The following HRH3 variants were observed in gnomAD, a reference collection of about 807,000 sequenced individuals.
HRH3 encodes the protein histamine H3 receptor.
In HRH3, 13 loss-of-function variants were observed where a neutral mutation model predicts 21.6. The observed-to-expected ratio is 0.60, with a 90% CI of 0.39 to 0.96. The LOEUF (loss-of-function observed/expected upper bound fraction) is 0.96. Among genes scored for constraint, HRH3 ranks in the 40% least tolerant of loss-of-function variants. HRH3 has a pLI of 0.00. For synonymous variants in HRH3, 276 were observed against 290.3 expected, an observed-to-expected ratio of 0.95 and a Z score of 0.50; for missense variants, 461 against 622.7, an observed-to-expected ratio of 0.74 and a Z score of 2.76.
In HRH3 at chr20:62,218,021, C is replaced by G. The variant is rs375718891; in HGVS notation, c.417+470G>C. On this transcript the variant is annotated intron_variant, in intron 2 of 2. Coordinates refer to ENST00000340177, the MANE Select transcript of HRH3 (RefSeq NM_007232.3). This position sits in a 1 kb window ranked among gnomAD's most constrained non-coding sequence, Gnocchi z 5.6. ...AGCGGCTCCCTGGGCTGCATGGCCC[C>G]GATGCGGGAGCCTGGGTGGGGCAGG... 6.6e-6 allele frequency among the ~76,000 whole-genome samples: 1 copy of G among 152,180 alleles called. No homozygotes were observed. The highest frequency in any genetic ancestry group is 1.5e-5 in the Non-Finnish European group (1 of 68,020).
rs1978506914 is a variant in HRH3 at position 62,215,720 on chromosome 20, A to AG, written c.*285dup. The AG allele has an allele frequency of 2.0e-6, 1 of 505,762 alleles. No homozygotes were observed. The highest frequency in any genetic ancestry group is 1.9e-5 in the African/African-American group (1 of 51,926). The allele number at this position is 505,762 out of a possible 1,614,324, so 31.3% of individuals were successfully genotyped here. ...GTAACTGCGAAGGGTGGGCACCAGC[A>AG]GGGGGTGGGCAGCATGTCTGGGACC... On this transcript the variant is annotated 3_prime_UTR_variant, in exon 3 of 3. Transcript: ENST00000340177.
At chr20:62,217,772 G>A (rs548753451) in intron 2 of HRH3, among the ~76,000 whole-genome samples, 6 of 152,304 alleles carry the variant, frequency 3.9e-5, no homozygotes, top group East Asian at 3.9e-4. Context: ...TTTACCCTTC[G>A]TGGCAGCTCT....
chr20:62,215,772 A>C lies in HRH3; in HGVS notation c.*234T>G. On this transcript the variant is annotated 3_prime_UTR_variant, in exon 3 of 3. Transcript: ENST00000340177. ...CCAGACTGTCCCTCCCGGTGGAGCC[A>C]GAATGTGGGGGGCAGGGCCGGCCAC... The C allele has an allele frequency of 1.8e-6, 1 of 561,014 alleles. No homozygotes were observed. The highest frequency in any genetic ancestry group is 3.2e-6 in the Non-Finnish European group (1 of 313,696). 34.8% of individuals were successfully genotyped at this position (561,014 alleles called of 1,614,324 possible).
rs1269020418 is a variant in HRH3 at position 62,215,584 on chromosome 20, G to A, written c.*422C>T. The A allele has an allele frequency of 6.1e-5, 25 of 409,566 alleles. No homozygotes were observed. In the Admixed American group the frequency reaches 6.7e-4, roughly 11 times the overall value. The allele number at this position is 409,566 out of a possible 1,614,324, so 25.4% of individuals were successfully genotyped here. On this transcript the variant is annotated 3_prime_UTR_variant, in exon 3 of 3. Transcript: ENST00000340177. ...CTGGGCTTGTCCGGGGAGAGGGACG[G>A]TGTGCAGGTGTGTGCAGGGGTGTGC...
At position 62,219,800 on chromosome 20, in the gene HRH3, G is replaced by T. The variant is rs748442898; in HGVS notation, c.171C>A (p.Leu57=). ...ATVLGNALVM[L]AFVADSSLRT... is the part of the protein sequence containing the mutation. ...GGAGGCTCGAGTCGGCCACGAAGGC[G>T]AGCATGACCAGCGCGTTGCCCAGCA... The change falls in exon 1 of 3, where the codon CTC becomes CTA. Residue 57 remains leucine, a synonymous_variant. Transcript: ENST00000340177. This position sits in a 1 kb window ranked among gnomAD's most constrained non-coding sequence, Gnocchi z 8.7. The T allele has an allele frequency of 3.1e-6, 5 of 1,605,720 alleles. No individual in the cohort carries two copies. Among genetic ancestry groups the T allele is most frequent in the Non-Finnish European group, 4.2e-6 (5 of 1,176,658 alleles).
At position 62,219,409 on chromosome 20, in the gene HRH3, G is replaced by T. The variant is rs1034939940; in HGVS notation, c.250+312C>A. On this transcript the variant is annotated intron_variant, in intron 1 of 2. Coordinates refer to ENST00000340177, the MANE Select transcript of HRH3 (RefSeq NM_007232.3). This position sits in a 1 kb window ranked among gnomAD's most constrained non-coding sequence, Gnocchi z 8.7. ...CCACTGCGCCCTCCGCGCGTCCTAA[G>T]TCCGCAGCAGCCTTTGTTTGGCTAC... Among the ~76,000 whole-genome samples the T allele has an allele frequency of 6.6e-6, 1 of 151,778 alleles. No homozygotes were observed. Among genetic ancestry groups the T allele is most frequent in the Non-Finnish European group, 1.5e-5 (1 of 67,988 alleles).
In HRH3 at chr20:62,215,475, G is replaced by A. The variant is rs1312701000; in HGVS notation, c.*531C>T. On this transcript the variant is annotated 3_prime_UTR_variant, in exon 3 of 3. Coordinates refer to ENST00000340177, the MANE Select transcript of HRH3 (RefSeq NM_007232.3). ...TCCTAGGGCCCCTTGACACTTTTGG[G>A]GGCAGAGAGAGTTGGTGGGAAGAGG... The A allele has an allele frequency of 3.1e-5, 14 of 457,322 alleles. No individual in the cohort carries two copies. Among genetic ancestry groups the A allele is most frequent in the Non-Finnish European group, 4.4e-6 (1 of 227,556 alleles). 28.3% of individuals were successfully genotyped at this position (457,322 alleles called of 1,614,324 possible). A position where few individuals can be genotyped will look rare whatever the true frequency, so the allele number is the denominator to read the frequency against.
In HRH3 at chr20:62,215,656, A is replaced by G. The variant is rs1978504686; in HGVS notation, c.*350T>C. Reference sequence around the variant, plus strand: ...CAAACTGCTAGGGCAGGAAGCCTGGAGCACACCCAGGTGCTTGCTTTGGGA... The same window carrying G: ...CAAACTGCTAGGGCAGGAAGCCTGGGGCACACCCAGGTGCTTGCTTTGGGA... On this transcript the variant is annotated 3_prime_UTR_variant, in exon 3 of 3. Transcript: ENST00000340177. The G allele has an allele frequency of 2.5e-6, 1 of 405,766 alleles. No individual in the cohort carries two copies. The highest frequency in any genetic ancestry group is 5.5e-5 in the East Asian group (1 of 18,114). 25.1% of individuals were successfully genotyped at this position (405,766 alleles called of 1,614,324 possible).
At position 62,216,091 on chromosome 20, in the gene HRH3, C is replaced by G. The variant is rs746843566; in HGVS notation, c.1253G>C (p.Ser418Thr). 1 of 1,611,874 alleles carries G rather than the reference C, an allele frequency of 6.2e-7. No homozygotes were observed. The highest frequency in any genetic ancestry group is 8.5e-7 in the Non-Finnish European group (1 of 1,179,424). ...NPVLYPLCHH[S>T]FRRAFTKLLC... ...CAGCTTGGTGAAGGCCCGGCGGAAGCTGTGGTGGCACAGAGGGTAGAGGAC... is the reference window on the plus strand; with the variant it reads ...CAGCTTGGTGAAGGCCCGGCGGAAGGTGTGGTGGCACAGAGGGTAGAGGAC... The change falls in exon 3 of 3, where the codon AGC becomes ACC. Residue 418 changes from serine to threonine, a missense_variant. Coordinates refer to ENST00000340177, the MANE Select transcript of HRH3 (RefSeq NM_007232.3).
rs200538029 is a variant in HRH3 at position 62,218,687 on chromosome 20, T to A, written c.251-30A>T. 3 of 1,605,072 alleles carry A rather than the reference T, an allele frequency of 1.9e-6. No homozygotes were observed. The highest frequency in any genetic ancestry group is 2.6e-6 in the Non-Finnish European group (3 of 1,176,022). ...GGGGAGTAGGGCCACAGTGGGACCA[T>A]GCAGCCAGGGGCCAGGGGACAGACG... On this transcript the variant is annotated intron_variant, in intron 1 of 2. Coordinates refer to ENST00000340177, the MANE Select transcript of HRH3 (RefSeq NM_007232.3). This position sits in a 1 kb window ranked among gnomAD's most constrained non-coding sequence, Gnocchi z 5.6.
chr20:62,218,779 C>G lies in HRH3; in HGVS notation c.251-122G>C. ...GGCTGCTTTTCTGGAACTAGCCATCCTCATCTTACCACCCCTCCACCTGGT... is the reference window on the plus strand; with the variant it reads ...GGCTGCTTTTCTGGAACTAGCCATCGTCATCTTACCACCCCTCCACCTGGT... On this transcript the variant is annotated intron_variant, in intron 1 of 2. Transcript: ENST00000340177. This position sits in a 1 kb window ranked among gnomAD's most constrained non-coding sequence, Gnocchi z 5.6. The G allele has an allele frequency of 1.1e-6, 1 of 891,108 alleles. No individual in the cohort carries two copies. The highest frequency in any genetic ancestry group is 2.5e-5 in the Admixed American group (1 of 40,000). The allele number at this position is 891,108 out of a possible 1,614,324, so 55.2% of individuals were successfully genotyped here.
rs776984289 is a variant in HRH3 at position 62,218,662 on chromosome 20, G to A, written c.251-5C>T. 6.2e-7 allele frequency: 1 copy of A among 1,610,972 alleles called. No homozygotes were observed. The highest frequency in any genetic ancestry group is 8.5e-7 in the Non-Finnish European group (1 of 1,179,658). ...ACAGTGGGATGCAGAAGGCGCCTGT[G>A]GGGAGTAGGGCCACAGTGGGACCAT... On this transcript the variant is annotated splice_region_variant and splice_polypyrimidine_tract_variant and intron_variant, in intron 1 of 2. Coordinates refer to ENST00000340177, the MANE Select transcript of HRH3 (RefSeq NM_007232.3). This position sits in a 1 kb window ranked among gnomAD's most constrained non-coding sequence, Gnocchi z 5.6.
Position 62,215,981 on chromosome 20 carries a change from G to A in HRH3, c.*25C>T. 6.5e-7 allele frequency: 1 copy of A among 1,538,996 alleles called. No homozygotes were observed. The highest frequency in any genetic ancestry group is 1.2e-5 in the South Asian group (1 of 83,004). On this transcript the variant is annotated 3_prime_UTR_variant, in exon 3 of 3. Transcript: ENST00000340177. ...GGAGACCTGGGCTGAGAGAGGCGTG[G>A]CTGAGGGAGGCTCTGGTGGGCCACT...
At position 62,216,358 on chromosome 20, in the gene HRH3, G is replaced by A; in HGVS notation, c.986C>T (p.Ser329Phe). ...CATGCGCTTCTCCAGCGAGGCCGAG[G>A]ACGCCGACGGCTTGGAGCCCCTCTT... Reference protein sequence around the residue: ...SLKRGSKPSASSASLEKRMKM... With the variant: ...SLKRGSKPSAFSASLEKRMKM... Residue 329 changes from serine to phenylalanine, a missense_variant, in exon 3 of 3, where the codon TCC (serine) becomes TTC (phenylalanine). This residue lies in a region of HRH3 where 102 missense variants were observed against 166.6 expected (regional missense o/e 0.61). Coordinates refer to ENST00000340177, the MANE Select transcript of HRH3 (RefSeq NM_007232.3). 1 of 1,580,962 alleles carries A rather than the reference G, an allele frequency of 6.3e-7. No homozygotes were observed. Among genetic ancestry groups the A allele is most frequent in the Non-Finnish European group, 8.6e-7 (1 of 1,163,130 alleles).
At position 62,215,196 on chromosome 20, in the gene HRH3, G is replaced by A. The variant is rs1293017618; in HGVS notation, c.*810C>T. The A allele has an allele frequency of 1.1e-5, 4 of 380,546 alleles. No homozygotes were observed. Among genetic ancestry groups the A allele is most frequent in the East Asian group, 7.2e-5 (1 of 13,838 alleles). 23.6% of individuals were successfully genotyped at this position (380,546 alleles called of 1,614,324 possible). The stretch of plus-strand genomic sequence containing the variant: ...TCCTGGGTGAGCAAACAGAGTGGCC[G>A]GGGCAGGCTTGGCCACCAGGGCTGG... On this transcript the variant is annotated 3_prime_UTR_variant, in exon 3 of 3. Coordinates refer to ENST00000340177, the MANE Select transcript of HRH3 (RefSeq NM_007232.3).
chr20:62,216,880 T>A lies in HRH3; in HGVS notation c.464A>T (p.Lys155Met). 6.2e-7 allele frequency: 1 copy of A among 1,611,376 alleles called. No individual in the cohort carries two copies. The highest frequency in any genetic ancestry group is 8.5e-7 in the Non-Finnish European group (1 of 1,179,010). Residue 155 changes from lysine (K) to methionine (M), a missense_variant, in exon 3 of 3, where the codon AAG becomes ATG. By Grantham distance (95) the Lys-to-Met change is moderately conservative. Around this residue, in one of 6 missense-constraint regions of HRH3, gnomAD observed 74 missense variants for 86.6 expected, o/e 0.85. Coordinates refer to ENST00000340177, the MANE Select transcript of HRH3 (RefSeq NM_007232.3). Reference protein sequence around the residue: ...QQGDTRRAVRKMLLVWVLAFL... With the variant: ...QQGDTRRAVRMMLLVWVLAFL... The stretch of plus-strand genomic sequence containing the variant: ...GGCCAGCACCCACACCAGCAGCATC[T>A]TCCGCACTGCCCGCCGCGTGTCACC...
Position 62,215,270 on chromosome 20 carries a change from G to C in HRH3, c.*736C>G, listed in dbSNP as rs200421002. ...CAGAAGCAGCTGGCACAGCTCAGCC[G>C]GAAGCCTTAGCGGAGGGAGGAGGGC... On this transcript the variant is annotated 3_prime_UTR_variant, in exon 3 of 3. Transcript: ENST00000340177. 1.6e-5 allele frequency: 7 copies of C among 450,484 alleles called. No individual in the cohort carries two copies. The highest frequency in any genetic ancestry group is 2.7e-5 in the Non-Finnish European group (6 of 222,768). 27.9% of individuals were successfully genotyped at this position (450,484 alleles called of 1,614,324 possible).
At chr20:62,217,771 C>T (rs922258349) in intron 2 of HRH3, among the ~76,000 whole-genome samples, 5 of 152,220 alleles carry the variant, frequency 3.3e-5, no homozygotes, top group East Asian at 1.9e-4. Context: ...CTTTACCCTT[C>T]GTGGCAGCTC....
rs1978728526 is a variant in HRH3, at chr20:62,219,661, C to T, written c.250+60G>A. The T allele has an allele frequency of 6.5e-7, 1 of 1,543,574 alleles. No homozygotes were observed. Among genetic ancestry groups the T allele is most frequent in the Admixed American group, 1.9e-5 (1 of 52,096 alleles). ...CCACCCAGGTCCGTGTTCCAGTCCC[C>T]GCTGGCCCGGCCACGCTGGGCGCCC... On this transcript the variant is annotated intron_variant, in intron 1 of 2. Transcript: ENST00000340177. This position sits in a 1 kb window ranked among gnomAD's most constrained non-coding sequence, Gnocchi z 8.7.
Sources: gnomAD v4.1 joint callset for allele counts (sites outside exome capture counted in the v4.1 genomes callset) on GRCh38, gnomAD v4.1.1 for gene constraint, gnomAD v4.1.1 regional missense constraint, Gnocchi (gnomAD v3.1) non-coding constraint, MANE v1.5 for transcripts, NCBI Gene and HGNC (gene_info 2026-07-23, HGNC 2026-07-21) for gene names.